The following TP63 variants were observed in gnomAD, a reference collection of about 807,000 sequenced individuals.
TP63 encodes the protein tumor protein p63, also known as tumor protein 63.
TP63 carries 17 observed loss-of-function variants against 82.8 expected under a neutral mutation model. The ratio of observed to expected loss-of-function variants is 0.21; its 90% CI spans 0.14 to 0.31. TP63 has a LOEUF of 0.31. Among genes scored for constraint, TP63 ranks in the 10% least tolerant of loss-of-function variants. The pLI is 1.00. For missense variants in TP63, 648 were observed against 895.3 expected (o/e 0.72, Z 3.52); for synonymous variants, 330 against 321.7 (o/e 1.03, Z -0.28).
chr3:189,838,844 C>T (rs928933271), intron 4 of TP63, among the ~76,000 whole-genome samples: 4 of 151,872 alleles, frequency 2.6e-5, no homozygotes, highest in Non-Finnish European at 5.9e-5. Context: ...ATATTGGTTT[C>T]CTGTACTTAT....
intron 10 of TP63, 53 bp from the exon 11 acceptor site, chr3:189,886,340 TC>T: frequency 6.3e-7 from 1 of 1,583,616 alleles, no homozygotes; most frequent in South Asian, 1.1e-5. Flanking sequence ...AAATCAATAG[TC>T]CCCACTCTTC....
rs74647875 is a variant in TP63 at position 189,874,822 on chromosome 3, A to G, written c.1349+1827A>G. Among the ~76,000 whole-genome samples the G allele has an allele frequency of 4.9e-3, 749 of 152,290 alleles. 5 individuals are homozygous for G. Among genetic ancestry groups the G allele is most frequent in the African/African-American group, 0.016 (670 of 41,560 alleles). ...AACATCATTTATAGACCCAGGAGGG[A>G]TATCTACCTTTCCTAAGATATGTGT... On this transcript the variant is annotated intron_variant, in intron 10 of 13. Coordinates refer to ENST00000264731, the MANE Select transcript of TP63 (RefSeq NM_003722.5).
intron 4 of TP63, among the ~76,000 whole-genome samples, chr3:189,848,239 T>TTCTCTCTCTCTCTCTCTCTCTC (rs59468983): frequency 0.018 from 1,734 of 95,872 alleles, 219 homozygotes; most frequent in Admixed American, 0.025. Flanking sequence ...CTCCTCCTCC[T>TTCTCTCTCTCTCTCTCTCTCTC]TCTCTCTCTC....
At chr3:189,768,867 T>C (rs1334754700) in intron 3 of TP63, among the ~76,000 whole-genome samples, 1 of 152,154 alleles carries the variant, frequency 6.6e-6, no homozygotes, top group East Asian at 1.9e-4. Flanking sequence ...AACTTCCTAG[T>C]AAATGACATT....
chr3:189,866,214 AAAG>A (rs979507495), intron 5 of TP63, among the ~76,000 whole-genome samples: 106 of 152,332 alleles, frequency 7.0e-4, no homozygotes, highest in African/African-American at 2.4e-3. Context: ...GAGGAGGAGG[AAAG>A]AAGAAGAAGT....
At chr3:189,764,732 T>G (rs933041727) in intron 3 of TP63, among the ~76,000 whole-genome samples, 1 of 152,204 alleles carries the variant, frequency 6.6e-6, no homozygotes, top group African/African-American at 2.4e-5. Context: ...AGCTGGGAGC[T>G]CCTAATGGAT....
At position 189,894,976 on chromosome 3, in the gene TP63, C is replaced by CAT; in HGVS notation, c.*474_*475insAT. On this transcript the variant is annotated 3_prime_UTR_variant, in exon 14 of 14. Transcript: ENST00000264731. ...ACTTGTTTTGGATGGCTTGTCTATA[C>CAT]TCCTTCCCTTAAGGGGTATCATGTA... is the stretch of plus-strand genomic sequence containing the variant. The CAT allele has an allele frequency of 4.5e-6, 1 of 221,520 alleles. No homozygotes were observed. Among genetic ancestry groups the CAT allele is most frequent in the African/African-American group, 2.2e-5 (1 of 44,472 alleles). 13.7% of individuals were successfully genotyped at this position (221,520 alleles called of 1,614,324 possible).
At chr3:189,830,202 A>G (rs183308010) in intron 4 of TP63, among the ~76,000 whole-genome samples, 5 of 152,342 alleles carry the variant, frequency 3.3e-5, no homozygotes, top group Non-Finnish European at 7.3e-5. Flanking sequence ...CTGTCTAGTG[A>G]AAAAAGCTAG....
At chr3:189,759,280 A>G (rs1481150526) in intron 3 of TP63, among the ~76,000 whole-genome samples, 1 of 152,208 alleles carries the variant, frequency 6.6e-6, no homozygotes, top group African/African-American at 2.4e-5. Flanking sequence ...TGATCTTTCT[A>G]TAAGCCCTCC....
rs184482855 is a variant in TP63 at position 189,852,981 on chromosome 3, C to A, written c.580-11251C>A. Among the ~76,000 whole-genome samples, 332 of 152,300 alleles carry A rather than the reference C, an allele frequency of 2.2e-3. 3 individuals are homozygous for A. Among genetic ancestry groups the A allele is most frequent in the Admixed American group, 3.7e-3 (56 of 15,288 alleles). The stretch of plus-strand genomic sequence containing the variant: ...TTCCTTTCTTTCTTGGGTGCACAAT[C>A]CAATTGGTGAATAATAACTTCTTTT... On this transcript the variant is annotated intron_variant, in intron 4 of 13. Coordinates refer to ENST00000264731, the MANE Select transcript of TP63 (RefSeq NM_003722.5).
At chr3:189,699,594 C>G (rs1276050369) in intron 1 of TP63, among the ~76,000 whole-genome samples, 2 of 152,032 alleles carry the variant, frequency 1.3e-5, no homozygotes, top group Non-Finnish European at 2.9e-5. Context: ...TGACTAAATA[C>G]TAGGAAAGTA....
At chr3:189,777,040 T>C (rs1482225399) in intron 3 of TP63, among the ~76,000 whole-genome samples, 3 of 152,186 alleles carry the variant, frequency 2.0e-5, no homozygotes, top group Non-Finnish European at 2.9e-5. Flanking sequence ...TTCTGGAAGC[T>C]TAAAGCTGAA....
intron 9 of TP63, among the ~76,000 whole-genome samples, chr3:189,871,195 G>T (rs1251658486): frequency 1.3e-5 from 2 of 152,096 alleles, no homozygotes; most frequent in African/African-American, 2.4e-5. Flanking sequence ...AGAAGACTTA[G>T]CCTAAATAAT....
chr3:189,872,766 A>G (rs1280771139), intron 9 of TP63, 93 bp from the exon 10 acceptor site: 30 of 1,567,030 alleles, frequency 1.9e-5, no homozygotes, highest in African/African-American at 4.1e-5. Context: ...ACAAATTGCA[A>G]TTACGGAATC....
intron 1 of TP63, among the ~76,000 whole-genome samples, chr3:189,669,594 G>A: frequency 6.6e-6 from 1 of 152,006 alleles, no homozygotes; most frequent in South Asian, 2.1e-4. Flanking sequence ...TGTGACAATA[G>A]TGAAAGGGAA....
Position 189,678,496 on chromosome 3 carries a change from A to G in TP63, c.62+46919A>G, listed in dbSNP as rs545954038. Among the ~76,000 whole-genome samples the G allele has an allele frequency of 4.6e-5, 7 of 152,176 alleles. No homozygotes were observed. In the South Asian group the frequency reaches 1.5e-3, roughly 32 times the overall value. On this transcript the variant is annotated intron_variant, in intron 1 of 13. Coordinates refer to ENST00000264731, the MANE Select transcript of TP63 (RefSeq NM_003722.5). The stretch of plus-strand genomic sequence containing the variant: ...TTTTGTTTACTAAAAACCTTCTAGT[A>G]TAATTTTAAGTAATATAACATGAAA...
intron 1 of TP63, among the ~76,000 whole-genome samples, chr3:189,732,077 C>T (rs1289789046): frequency 6.6e-6 from 1 of 152,128 alleles, no homozygotes; most frequent in East Asian, 1.9e-4. Flanking sequence ...TTTAACTGGA[C>T]TTTTGTTCAG....
intron 3 of TP63, among the ~76,000 whole-genome samples, chr3:189,740,828 T>C (rs763619954): frequency 3.3e-5 from 5 of 152,200 alleles, no homozygotes; most frequent in South Asian, 4.1e-4. Context: ...ATGTGCCATG[T>C]TGTTTCTTAC....
At chr3:189,851,552 G>A (rs1715634790) in intron 4 of TP63, among the ~76,000 whole-genome samples, 1 of 152,186 alleles carries the variant, frequency 6.6e-6, no homozygotes, top group South Asian at 2.1e-4. Context: ...TCCAGCCTGG[G>A]TGACAGAGCG....
Sources: allele counts gnomAD v4.1 joint callset (sites outside exome capture counted in the v4.1 genomes callset), GRCh38; gene constraint gnomAD v4.1.1; transcripts MANE v1.5; gene names NCBI Gene and HGNC (gene_info 2026-07-23, HGNC 2026-07-21).